The following ZFYVE26 variants were observed in gnomAD, a reference collection of about 807,000 sequenced individuals.
ZFYVE26 encodes zinc finger FYVE domain-containing protein 26.
Under a neutral mutation model 276.5 loss-of-function variants are expected in ZFYVE26, and 181 were observed. The ratio of observed to expected loss-of-function variants is 0.65; its 90% CI spans 0.58 to 0.74. The LOEUF is 0.74. Ranked by LOEUF, ZFYVE26 falls within the 30% of genes least tolerant of loss-of-function variation. The probability of loss-of-function intolerance (pLI) is 0.00; values close to 1 mark genes in which losing one functional copy is unlikely to be tolerated. For missense variants in ZFYVE26, 2,821 were observed against 3,097.9 expected, an observed-to-expected ratio of 0.91 and a Z score of 2.12; for synonymous variants, 1,129 against 1,203.1, an observed-to-expected ratio of 0.94 and a Z score of 1.27.
chr14:67,795,086 C>T (rs370135930), intron 12 of ZFYVE26, among the ~76,000 whole-genome samples: 19 of 152,340 alleles, frequency 1.2e-4, no homozygotes, highest in African/African-American at 4.3e-4. Flanking sequence ...CAGAGGCTCG[C>T]TATTCCTTAG....
Position 67,785,113 on chromosome 14 carries a change from T to C in ZFYVE26, c.3469A>G (p.Ser1157Gly), listed in dbSNP as rs1415985561. The change falls in exon 19 of 42, where the codon AGT (serine) becomes GGT (glycine). Residue 1157 changes from serine to glycine, a missense_variant. Transcript: ENST00000347230. ...RQMDYLGTFFSYCSTLAAVLL... is the reference protein window; with the variant it reads ...RQMDYLGTFFGYCSTLAAVLL... ...ACTGCAGCAAGGGTGCTGCAGTAAC[T>C]GAAGAAGGTGCCCAAGTAGTCCATC... 8.7e-6 allele frequency: 14 copies of C among 1,614,122 alleles called. No individual in the cohort carries two copies. Among genetic ancestry groups the C allele is most frequent in the Non-Finnish European group, 1.2e-5 (14 of 1,180,048 alleles).
intron 36 of ZFYVE26, 67 bp from the exon 37 acceptor site, chr14:67,755,317 A>G (rs1049087584): frequency 1.3e-6 from 2 of 1,565,228 alleles, no homozygotes; most frequent in East Asian, 4.5e-5. Context: ...GTGTGATGAG[A>G]ATTCTCATCT....
chr14:67,785,921 T>G lies in ZFYVE26; in HGVS notation c.3241A>C (p.Thr1081Pro). ...TGATCTAGCTGCTGGGAGAGGGTGG[T>G]GTGGCTGGCAACACAGTCCTCGCTT... ...SLSEDCVASHTTLSQQLDQVL... is the reference protein window; with the variant it reads ...SLSEDCVASHPTLSQQLDQVL... Residue 1081 changes from threonine (T) to proline (P), a missense_variant, in exon 18 of 42, where the codon ACC (threonine) becomes CCC (proline). Transcript: ENST00000347230. 6.2e-7 allele frequency: 1 copy of G among 1,614,178 alleles called. No individual in the cohort carries two copies. Among genetic ancestry groups the G allele is most frequent in the East Asian group, 2.2e-5 (1 of 44,878 alleles).
At chr14:67,754,347 A>G (rs2038723737) in intron 37 of ZFYVE26, 135 bp from the exon 38 acceptor site, 11 of 1,224,008 alleles carry the variant, frequency 9.0e-6, no homozygotes, top group Non-Finnish European at 1.3e-5. Context: ...GACCTCAAGT[A>G]CCTTGTGAGC....
At chr14:67,737,601 C>T (rs993497229) in intron 13 of ZFYVE26, among the ~76,000 whole-genome samples, 1 of 152,190 alleles carries the variant, frequency 6.6e-6, no homozygotes, top group Non-Finnish European at 1.5e-5. Context: ...GGTGGGGACA[C>T]AGAACCAAAC....
intron 24 of ZFYVE26, among the ~76,000 whole-genome samples, 180 bp from the exon 25 acceptor site, chr14:67,777,915 G>A (rs2039389875): frequency 6.6e-6 from 1 of 151,596 alleles, no homozygotes; most frequent in Non-Finnish European, 1.5e-5. Context: ...GACAGGACCA[G>A]AATTCAGCAG....
At chr14:67,789,161 T>TC (rs2039742011) in intron 16 of ZFYVE26, among the ~76,000 whole-genome samples, 174 bp downstream of exon 16, 1 of 152,238 alleles carries the variant, frequency 6.6e-6, no homozygotes, top group African/African-American at 2.4e-5. Context: ...GCTATGTCTA[T>TC]TTTGTCTCTC....
rs748320802 is a variant in ZFYVE26 at position 67,783,362 on chromosome 14, AGT to A, written c.3788_3789del (p.His1263LeufsTer4). Reference sequence around the variant, plus strand: ...GTAGAAAGTGGGAGGTCATCCAGGCAGTGAGAGGCGTGTAGCTGGGCCAGAGT... The same window carrying A: ...GTAGAAAGTGGGAGGTCATCCAGGCAGAGAGGCGTGTAGCTGGGCCAGAGT... ...LGTLAQLHAS[H>X]CLDDLPLSTP... On this transcript the variant is annotated frameshift_variant, in exon 21 of 42. Transcript: ENST00000347230. LOFTEE classifies it high-confidence loss of function. The A allele has an allele frequency of 1.2e-6, 2 of 1,613,490 alleles. No individual in the cohort carries two copies. The highest frequency in any genetic ancestry group is 1.7e-6 in the Non-Finnish European group (2 of 1,179,498).
At chr14:67,785,557 A>G (rs2140227088) in intron 18 of ZFYVE26, among the ~76,000 whole-genome samples, 1 of 152,304 alleles carries the variant, frequency 6.6e-6, no homozygotes, top group Admixed American at 6.5e-5. Context: ...AACTTTATGA[A>G]GAACACAGCA....
chr14:67,769,411 T>C (rs2039144450), intron 29 of ZFYVE26, among the ~76,000 whole-genome samples, 183 bp downstream of exon 29: 1 of 152,220 alleles, frequency 6.6e-6, no homozygotes, highest in Non-Finnish European at 1.5e-5. Context: ...CTTTCTCTCT[T>C]AGTGGTTTCT....
chr14:67,808,452 T>C (rs1412448346), intron 4 of ZFYVE26, among the ~76,000 whole-genome samples: 1 of 152,206 alleles, frequency 6.6e-6, no homozygotes, highest in South Asian at 2.1e-4. Context: ...TTAAAATTAG[T>C]ACCATATGAT....
intron 27 of ZFYVE26, among the ~76,000 whole-genome samples, chr14:67,774,657 C>T (rs1236309952): frequency 2.0e-5 from 3 of 152,024 alleles, no homozygotes; most frequent in Admixed American, 2.0e-4. Context: ...TTCTGAATCT[C>T]CTTTGTAGAA....
At chr14:67,751,162 ACCCAGCCTCAG>A in intron 40 of ZFYVE26, 66 bp from the exon 41 acceptor site, 2 of 1,575,766 alleles carry the variant, frequency 1.3e-6, no homozygotes, top group Non-Finnish European at 1.7e-6. Flanking sequence ...CCAGGGCCCA[ACCCAGCCTCAG>A]CCCAGCCATT....
At position 67,785,185 on chromosome 14, in the gene ZFYVE26, G is replaced by C; in HGVS notation, c.3397C>G (p.Leu1133Val). ...EAHPVQIQTQLLQKNLGKQTP... is the reference protein window; with the variant it reads ...EAHPVQIQTQVLQKNLGKQTP... ...TGTTTGCCCAGGTTCTTCTGGAGGAGCTGAGTCTGGATCTGCACAGGGTGG... is the reference window on the plus strand; with the variant it reads ...TGTTTGCCCAGGTTCTTCTGGAGGACCTGAGTCTGGATCTGCACAGGGTGG... The change falls in exon 19 of 42, where the codon CTC becomes GTC. Residue 1133 changes from leucine to valine, a missense_variant. Physicochemically the swap from Leu to Val is conservative, Grantham distance 32 (BLOSUM62 1). Transcript: ENST00000347230. The C allele has an allele frequency of 6.2e-7, 1 of 1,614,184 alleles. No homozygotes were observed. The highest frequency in any genetic ancestry group is 8.5e-7 in the Non-Finnish European group (1 of 1,180,016).
At chr14:67,788,206 T>C (rs917843398) in intron 16 of ZFYVE26, among the ~76,000 whole-genome samples, 1 of 152,084 alleles carries the variant, frequency 6.6e-6, no homozygotes, top group African/African-American at 2.4e-5. Context: ...CTGACCAACA[T>C]GGTGAAACCC....
chr14:67,802,251 C>G lies in ZFYVE26; in HGVS notation c.1467G>C (p.Leu489=), dbSNP rs2040092411. 6.2e-7 allele frequency: 1 copy of G among 1,614,196 alleles called. No individual in the cohort carries two copies. The highest frequency in any genetic ancestry group is 8.5e-7 in the Non-Finnish European group (1 of 1,180,044). Residue 489 remains leucine (L), a synonymous_variant, in exon 10 of 42, where the codon CTG becomes CTC. Transcript: ENST00000347230. ...AGAGTGTCAGGTTCTGACACTGGCT[C>G]AGGTGCTCAGGGACTGGAGCATCAA... ...DAVDAPVPEH[L]SQCQNLTLYQ... is the part of the protein sequence containing the mutation.
chr14:67,779,735 A>G (rs2039445770), intron 23 of ZFYVE26, among the ~76,000 whole-genome samples: 1 of 152,202 alleles, frequency 6.6e-6, no homozygotes, highest in African/African-American at 2.4e-5. Flanking sequence ...CGAGAAATAC[A>G]TTCTGTACCT....
downstream of ZFYVE26, among the ~76,000 whole-genome samples, chr14:67,742,838 C>CTTCTTTTTTTTTTTTTTTTTTTTTTTTT (rs769663149): frequency 6.7e-5 from 6 of 89,768 alleles, no homozygotes; most frequent in Non-Finnish European, 1.2e-4. Context: ...TCTTCTTCTT[C>CTTCTTTTTTTTTTTTTTTTTTTTTTTTT]TTTTTTTTTT....
chr14:67,729,145 G>T, intron 14 of ZFYVE26: 1 of 1,589,164 alleles, frequency 6.3e-7, no homozygotes. Flanking sequence ...CTGTTTTCCT[G>T]GGCTCAGAGT....
Sources: gnomAD v4.1 joint callset for allele counts (sites outside exome capture counted in the v4.1 genomes callset) on GRCh38, gnomAD v4.1.1 for gene constraint, MANE v1.5 for transcripts, NCBI Gene and HGNC (gene_info 2026-07-23, HGNC 2026-07-21) for gene names.